Variants in C20orf96 observed in about 807,000 individuals in gnomAD.
The protein encoded by C20orf96 is uncharacterized protein C20orf96.
In C20orf96, 57 loss-of-function variants were observed where a neutral mutation model predicts 52.6. The observed-to-expected ratio is 1.08, with a 90% confidence interval of 0.88 to 1.35. The LOEUF is 1.35. Ranked by LOEUF, C20orf96 falls within the 40% of genes most tolerant of loss-of-function variation. The probability of loss-of-function intolerance (pLI) is 0.00; values close to 1 mark genes in which losing one functional copy is unlikely to be tolerated. For synonymous variants in C20orf96, 168 were observed against 157.2 expected, an observed-to-expected ratio of 1.07 and a Z score of -0.51; for missense variants, 478 against 443.6, an observed-to-expected ratio of 1.08 and a Z score of -0.70.
Position 271,362 on chromosome 20 carries a change from G to A in C20orf96, c.1032-95C>T, listed in dbSNP as rs148741538. The A allele has an allele frequency of 2.5e-4, 258 of 1,025,808 alleles. 1 individual carries two copies. The African/African-American group carries it at 2.9e-3, about 11-fold the overall frequency. The allele number at this position is 1,025,808 out of a possible 1,614,324, so 63.5% of individuals were successfully genotyped here. On this transcript the variant is annotated intron_variant, in intron 10 of 10. Transcript: ENST00000360321. ...GCCCTGCTCTTTAGAACTCTGGTACGTACTTGGGTTGGGGGGCAATCCCAA... is the reference window on the plus strand; with the variant it reads ...GCCCTGCTCTTTAGAACTCTGGTACATACTTGGGTTGGGGGGCAATCCCAA...
At chr20:288,375 G>C (rs1287045257) in intron 3 of C20orf96, among the ~76,000 whole-genome samples, 1 of 152,024 alleles carries the variant, frequency 6.6e-6, no homozygotes, top group Admixed American at 6.6e-5. Context: ...TTCCCTGCTT[G>C]GTGGTGCTGA....
At position 279,149 on chromosome 20, in the gene C20orf96, C is replaced by A. The variant is rs185129539; in HGVS notation, c.465+23G>T. The A allele has an allele frequency of 7.4e-5, 110 of 1,496,238 alleles. 2 individuals are homozygous for A. The African/African-American group carries it at 1.2e-3, about 17-fold the overall frequency. 92.7% of individuals were successfully genotyped at this position (1,496,238 alleles called of 1,614,324 possible). Reference sequence around the variant, plus strand: ...GAGGTTGGGACGGAGGGACGGAGGGCGGGCGGATGCCGCGGGTCTCACCGC... The same window carrying A: ...GAGGTTGGGACGGAGGGACGGAGGGAGGGCGGATGCCGCGGGTCTCACCGC... On this transcript the variant is annotated intron_variant, in intron 5 of 10. Transcript: ENST00000360321.
In C20orf96 at chr20:289,688, ACAAT is replaced by A. The variant is rs2012487323; in HGVS notation, c.70-16_70-13del. 6.3e-7 allele frequency: 1 copy of A among 1,581,718 alleles called. No homozygotes were observed. The highest frequency in any genetic ancestry group is 8.7e-7 in the Non-Finnish European group (1 of 1,150,502). ...CATGGAACATAATCCTACAAAATATACAATCAGTCACATAGCACCATGAGTTTAT... is the reference window on the plus strand; with the variant it reads ...CATGGAACATAATCCTACAAAATATACAGTCACATAGCACCATGAGTTTAT... On this transcript the variant is annotated splice_polypyrimidine_tract_variant and intron_variant, in intron 2 of 10. Coordinates refer to ENST00000360321, the MANE Select transcript of C20orf96 (RefSeq NM_153269.3).
rs949067882 is a variant in C20orf96 at position 271,128 on chromosome 20, C to A, written c.*79G>T. 4.1e-6 allele frequency: 5 copies of A among 1,220,896 alleles called. No homozygotes were observed. Among genetic ancestry groups the A allele is most frequent in the Non-Finnish European group, 5.9e-6 (5 of 848,610 alleles). 75.6% of individuals were successfully genotyped at this position (1,220,896 alleles called of 1,614,324 possible). A position where few individuals can be genotyped will look rare whatever the true frequency, so the allele number is the denominator to read the frequency against. ...GTAGATCAGGGTCTGAATGGAGATCCGGTCCTGGAAGTAAATGATCCAAGG... is the reference window on the plus strand; with the variant it reads ...GTAGATCAGGGTCTGAATGGAGATCAGGTCCTGGAAGTAAATGATCCAAGG... On this transcript the variant is annotated 3_prime_UTR_variant, in exon 11 of 11. Transcript: ENST00000360321.
At chr20:280,693 A>G (rs2012231408) in intron 4 of C20orf96, among the ~76,000 whole-genome samples, 3 of 152,252 alleles carry the variant, frequency 2.0e-5, no homozygotes. Context: ...TGAACCACGT[A>G]GTGACTAAGA....
intron 10 of C20orf96, among the ~76,000 whole-genome samples, chr20:272,503 G>A (rs971309704): frequency 6.6e-6 from 1 of 152,156 alleles, no homozygotes; most frequent in Non-Finnish European, 1.5e-5. Context: ...CCACAGGCAC[G>A]TGCCACCACA....
intron 3 of C20orf96, among the ~76,000 whole-genome samples, chr20:287,908 CAAAAAAA>C (rs71327437): frequency 1.1e-4 from 7 of 63,084 alleles, no homozygotes; most frequent in South Asian, 1.5e-3. Flanking sequence ...GACTCCTTCT[CAAAAAAA>C]AAAAAAAAAA....
At chr20:274,678 T>TC (rs1308033349) in intron 10 of C20orf96, among the ~76,000 whole-genome samples, 1 of 152,070 alleles carries the variant, frequency 6.6e-6, no homozygotes, top group Admixed American at 6.5e-5. Flanking sequence ...TTCCTTCAGC[T>TC]CCCCCATCAG....
At chr20:279,430 GC>G in intron 4 of C20orf96, 100 bp from the exon 5 acceptor site, 1 of 1,302,584 alleles carries the variant, frequency 7.7e-7, no homozygotes, top group Non-Finnish European at 1.0e-6. Context: ...CCAGACGCCC[GC>G]CCCCGTGCGG....
chr20:288,355 T>C (rs949378921), intron 3 of C20orf96, among the ~76,000 whole-genome samples: 1 of 152,104 alleles, frequency 6.6e-6, no homozygotes, highest in Non-Finnish European at 1.5e-5. Flanking sequence ...AGCAGGTAGC[T>C]GATCCTTCAT....
intron 4 of C20orf96, among the ~76,000 whole-genome samples, chr20:280,066 T>TA (rs1209157615): frequency 6.6e-6 from 1 of 152,056 alleles, no homozygotes; most frequent in Non-Finnish European, 1.5e-5. Context: ...AAATGGATGA[T>TA]AAACGTCAGC....
intron 10 of C20orf96, among the ~76,000 whole-genome samples, chr20:274,292 A>T (rs11698734): frequency 0.26 from 39,743 of 151,568 alleles, 6,109 homozygotes; most frequent in African/African-American, 0.44. Flanking sequence ...TGCCCCCTTA[A>T]ATTCTGCTTT....
intron 4 of C20orf96, among the ~76,000 whole-genome samples, chr20:280,123 A>G (rs2012214453): frequency 6.6e-6 from 1 of 152,130 alleles, no homozygotes; most frequent in African/African-American, 2.4e-5. Flanking sequence ...ATTTCACACA[A>G]CAGCCCCCAG....
At chr20:271,960 T>C (rs2011854624) in intron 10 of C20orf96, among the ~76,000 whole-genome samples, 1 of 152,182 alleles carries the variant, frequency 6.6e-6, no homozygotes, top group South Asian at 2.1e-4. Context: ...TACATTCTGT[T>C]TCACTCTCTT....
In C20orf96 at chr20:271,033, A is replaced by AG. The variant is rs1226315601; in HGVS notation, c.*173dup. 2.4e-6 allele frequency: 1 copy of AG among 422,298 alleles called. No homozygotes were observed. Among genetic ancestry groups the AG allele is most frequent in the Non-Finnish European group, 4.0e-6 (1 of 248,006 alleles). The allele number at this position is 422,298 out of a possible 1,614,324, so 26.2% of individuals were successfully genotyped here. ...GAGGAAGGAAGGAGGAGGGAAGGGA[A>AG]GGGGGGAAGAAGGGAGGGAGGGAGG... On this transcript the variant is annotated 3_prime_UTR_variant, in exon 11 of 11. Transcript: ENST00000360321.
intron 3 of C20orf96, 54 bp downstream of exon 3, chr20:289,505 G>T: frequency 8.4e-7 from 1 of 1,197,092 alleles, no homozygotes; most frequent in Non-Finnish European, 1.2e-6. Context: ...GCCAAAAGCA[G>T]CCACTCTATC....
chr20:278,945 A>G (rs145862725), intron 5 of C20orf96, among the ~76,000 whole-genome samples: 38 of 4,236 alleles, frequency 9.0e-3, no homozygotes, highest in South Asian at 0.027. Context: ...GGAGGGCGGG[A>G]CGGAGGGAGG....
At chr20:288,662 C>G (rs536747065) in intron 3 of C20orf96, among the ~76,000 whole-genome samples, 1 of 152,274 alleles carries the variant, frequency 6.6e-6, no homozygotes, top group South Asian at 2.1e-4. Flanking sequence ...TGCAGGGCAA[C>G]TTGGCATTCT....
At chr20:278,142 C>G (rs181727487) in intron 6 of C20orf96, among the ~76,000 whole-genome samples, 188 bp downstream of exon 6, 1 of 152,302 alleles carries the variant, frequency 6.6e-6, no homozygotes, top group East Asian at 1.9e-4. Flanking sequence ...GACCCAGATA[C>G]GGGGCCTGGA....
Sources: gnomAD v4.1 joint callset for allele counts (sites outside exome capture counted in the v4.1 genomes callset) on GRCh38, gnomAD v4.1.1 for gene constraint, MANE v1.5 for transcripts, NCBI Gene and HGNC (gene_info 2026-07-23, HGNC 2026-07-21) for gene names.